Variants in PCNT observed in about 807,000 individuals in gnomAD.
PCNT encodes kendrin.
In PCNT, 319 loss-of-function variants were observed where a neutral mutation model predicts 380.4. The observed-to-expected ratio is 0.84, with a 90% CI of 0.77 to 0.92. The LOEUF is 0.92. Ranked by LOEUF, PCNT falls within the 40% of genes least tolerant of loss-of-function variation. The pLI, the probability that PCNT is intolerant of heterozygous loss-of-function variation, is 0.00. For missense variants in PCNT, 4,400 were observed against 4,255.3 expected, an observed-to-expected ratio of 1.03 and a Z score of -0.95; for synonymous variants, 1,845 against 1,735.2, an observed-to-expected ratio of 1.06 and a Z score of -1.57.
intron 27 of PCNT, among the ~76,000 whole-genome samples, chr21:46,404,067 AGC>A: frequency 7.7e-6 from 1 of 129,926 alleles, no homozygotes; most frequent in Non-Finnish European, 1.6e-5. Flanking sequence ...GAATGAACAC[AGC>A]GTGGGAGAAT....
At chr21:46,350,686 G>A (rs531695639) in intron 8 of PCNT, among the ~76,000 whole-genome samples, 3 of 152,252 alleles carry the variant, frequency 2.0e-5, no homozygotes, top group Admixed American at 6.5e-5. Context: ...GTCTCCCAGC[G>A]GGACTCTGGT....
Position 46,363,721 on chromosome 21 carries a change from T to C in PCNT, c.2396T>C (p.Leu799Pro), listed in dbSNP as rs1213180137. 3.1e-6 allele frequency: 5 copies of C among 1,614,070 alleles called. No individual in the cohort carries two copies. The highest frequency in any genetic ancestry group is 3.4e-6 in the Non-Finnish European group (4 of 1,180,030). The change falls in exon 14 of 47, where the codon CTT becomes CCT. Residue 799 changes from leucine to proline, a missense_variant. Physicochemically the swap from Leu to Pro is moderately conservative, Grantham distance 98. Coordinates refer to ENST00000359568, the MANE Select transcript of PCNT (RefSeq NM_006031.6). ...FELREAEMRQ[L>P]QDQQAAQILD... is the part of the protein sequence containing the mutation. ...CTTCGAGAAGCTGAAATGAGGCAGC[T>C]TCAGGACCAACAGGCAGCCCAGATC...
intron 16 of PCNT, among the ~76,000 whole-genome samples, chr21:46,383,761 A>G (rs1481695348): frequency 3.3e-5 from 4 of 121,490 alleles, no homozygotes; most frequent in Non-Finnish European, 5.1e-5. Flanking sequence ...TGCATTCAGC[A>G]GCGGAAGCGC....
chr21:46,397,506 G>C lies in PCNT; in HGVS notation c.4446+12G>C, dbSNP rs1232178771. The C allele has an allele frequency of 6.2e-7, 1 of 1,603,252 alleles. No homozygotes were observed. The highest frequency in any genetic ancestry group is 8.5e-7 in the Non-Finnish European group (1 of 1,170,656). On this transcript the variant is annotated intron_variant, in intron 22 of 46. Transcript: ENST00000359568. The stretch of plus-strand genomic sequence containing the variant: ...GGCAATTCATGGATGTAAGAATTCT[G>C]AATAATACATTTTTTTGCATCACTA...
chr21:46,362,076 C>T (rs1194835896), intron 13 of PCNT, among the ~76,000 whole-genome samples: 6 of 152,200 alleles, frequency 3.9e-5, no homozygotes, highest in African/African-American at 7.2e-5. Context: ...GCAGTTCACT[C>T]GGGTGACTTC....
At chr21:46,370,312 T>C (rs577258764) in intron 15 of PCNT, among the ~76,000 whole-genome samples, 29 of 152,000 alleles carry the variant, frequency 1.9e-4, no homozygotes, top group African/African-American at 6.8e-4. Flanking sequence ...GTGAGTGGTC[T>C]GTGGCGCGAC....
At chr21:46,423,809 AGTGGGAGGGGAGGAGGGG>A (rs2087369550) in intron 32 of PCNT, among the ~76,000 whole-genome samples, 1 of 6,676 alleles carries the variant, frequency 1.5e-4, no homozygotes, top group South Asian at 6.7e-3. Flanking sequence ...GAGAAGGGGG[AGTGGGAGGGGAGGAGGGG>A]GAGGGGGAGG....
At position 46,429,992 on chromosome 21, in the gene PCNT, T is replaced by C. The variant is rs1032316777; in HGVS notation, c.7691-18T>C. The stretch of plus-strand genomic sequence containing the variant: ...AGGAGCTCATGGGGGCCTGTTACTG[T>C]TCTTTTGTCTTTCTCAGTTGAACTG... On this transcript the variant is annotated intron_variant, in intron 35 of 46. Coordinates refer to ENST00000359568, the MANE Select transcript of PCNT (RefSeq NM_006031.6). 3 of 1,609,890 alleles carry C rather than the reference T, an allele frequency of 1.9e-6. No individual in the cohort carries two copies.
chr21:46,414,455 C>CCCT (rs3831820), intron 29 of PCNT, among the ~76,000 whole-genome samples: 13 of 122,932 alleles, frequency 1.1e-4, no homozygotes, highest in East Asian at 7.3e-4. Context: ...CAGTCGCCCA[C>CCCT]CCTCCTCCTC....
Position 46,411,914 on chromosome 21 carries a change from G to A in PCNT, c.5841G>A (p.Leu1947=). Residue 1947 remains leucine, a synonymous_variant, in exon 28 of 47, where the codon CTG becomes CTA. Coordinates refer to ENST00000359568, the MANE Select transcript of PCNT (RefSeq NM_006031.6). ...HQRFLRCQVE[L]DRRQARRATA... is the part of the protein sequence containing the mutation. ...GGTTCCTGAGGTGCCAGGTGGAGCTGGACAGGCGGCAGGCCCGCAGAGCCA... is the reference window on the plus strand; with the variant it reads ...GGTTCCTGAGGTGCCAGGTGGAGCTAGACAGGCGGCAGGCCCGCAGAGCCA... 4 of 1,588,052 alleles carry A rather than the reference G, an allele frequency of 2.5e-6. No individual in the cohort carries two copies. The highest frequency in any genetic ancestry group is 2.0e-4 in the Middle Eastern group (1 of 4,984).
At chr21:46,379,356 A>G (rs1279866193) in intron 15 of PCNT, among the ~76,000 whole-genome samples, 1 of 152,160 alleles carries the variant, frequency 6.6e-6, no homozygotes, top group Non-Finnish European at 1.5e-5. Context: ...AGCGGCACCC[A>G]TATACCTGCT....
intron 13 of PCNT, 124 bp from the exon 14 acceptor site, chr21:46,363,356 G>A (rs2084784682): frequency 2.7e-6 from 2 of 750,876 alleles, no homozygotes; most frequent in South Asian, 1.5e-5. Context: ...CTGTTGCTGT[G>A]TGCAGCGTAA....
In PCNT at chr21:46,334,440, T is replaced by C; in HGVS notation, c.311T>C (p.Leu104Pro). 1.2e-6 allele frequency: 2 copies of C among 1,614,232 alleles called. No individual in the cohort carries two copies. Among genetic ancestry groups the C allele is most frequent in the Non-Finnish European group, 8.5e-7 (1 of 1,180,044 alleles). ...DGEKREDLEQ[L>P]QQKQVNDHPP... is the part of the protein sequence containing the mutation. ...GAGAAGAGAGAGGACTTGGAACAGC[T>C]GCAGCAGAAGCAAGTCAATGACCAT... The change falls in exon 3 of 47, where the codon CTG (leucine) becomes CCG (proline). Residue 104 changes from leucine (L) to proline (P), a missense_variant. Transcript: ENST00000359568.
At chr21:46,335,423 C>T (rs1225018622) in intron 3 of PCNT, among the ~76,000 whole-genome samples, 34 of 152,042 alleles carry the variant, frequency 2.2e-4, no homozygotes, top group Non-Finnish European at 8.8e-5. Context: ...AGGCTGGGCA[C>T]GGTGGCTCAC....
At chr21:46,371,971 CACAT>C (rs1349521014) in intron 15 of PCNT, among the ~76,000 whole-genome samples, 1 of 150,020 alleles carries the variant, frequency 6.7e-6, no homozygotes, top group East Asian at 2.0e-4. Context: ...ACATACATAG[CACAT>C]ACACACATGC....
chr21:46,325,846 C>T (rs982219496), intron 1 of PCNT, among the ~76,000 whole-genome samples: 2 of 152,144 alleles, frequency 1.3e-5, no homozygotes, highest in African/African-American at 4.8e-5. Context: ...CTTTGGTGAG[C>T]TGTGTCATGA....
chr21:46,342,491 C>G (rs1264925591), intron 3 of PCNT, among the ~76,000 whole-genome samples: 1 of 151,976 alleles, frequency 6.6e-6, no homozygotes, highest in Non-Finnish European at 1.5e-5. Flanking sequence ...GCATCCATAC[C>G]AACCTGGATG....
At chr21:46,331,699 G>A (rs1025422520) in intron 2 of PCNT, among the ~76,000 whole-genome samples, 3 of 152,092 alleles carry the variant, frequency 2.0e-5, no homozygotes, top group Non-Finnish European at 2.9e-5. Flanking sequence ...CCAGGAGTTT[G>A]AGGCTACAGT....
chr21:46,401,439 C>T (rs938171301), intron 25 of PCNT, 112 bp from the exon 26 acceptor site: 7 of 893,360 alleles, frequency 7.8e-6, no homozygotes, highest in East Asian at 2.5e-5. Flanking sequence ...CGTGCAGGTC[C>T]ACCTGCTCTG....
Sources: gnomAD v4.1 joint callset for allele counts (sites outside exome capture counted in the v4.1 genomes callset) on GRCh38, gnomAD v4.1.1 for gene constraint, MANE v1.5 for transcripts, NCBI Gene and HGNC (gene_info 2026-07-23, HGNC 2026-07-21) for gene names.